Variants in RBFOX1 observed in about 807,000 individuals in gnomAD.
RBFOX1 encodes RNA binding protein fox-1 homolog 1.
RBFOX1 carries 8 observed loss-of-function variants against 57.7 expected under a neutral mutation model. That is an observed-to-expected ratio of 0.14 (90% CI 0.08 to 0.25). RBFOX1 has a LOEUF of 0.25. Among genes scored for constraint, RBFOX1 ranks in the 10% least tolerant of loss-of-function variants. RBFOX1 has a pLI of 1.00. For synonymous variants in RBFOX1, 326 were observed against 222.4 expected, an observed-to-expected ratio of 1.47 and a Z score of -4.15; for missense variants, 611 against 548.5, an observed-to-expected ratio of 1.11 and a Z score of -1.14.
intron 2 of RBFOX1, among the ~76,000 whole-genome samples, chr16:6,340,888 A>T (rs1029332228): frequency 6.6e-6 from 1 of 152,076 alleles, no homozygotes; most frequent in East Asian, 1.9e-4. Flanking sequence ...GGAAAGAGAG[A>T]CATTCAAAGG....
chr16:7,667,162 C>T (rs556422769), intron 13 of RBFOX1, among the ~76,000 whole-genome samples: 1 of 152,264 alleles, frequency 6.6e-6, no homozygotes, highest in African/African-American at 2.4e-5. Context: ...TGTCCTGTCT[C>T]TAACAGTCTC....
At chr16:6,765,627 T>C (rs2077217785) in intron 3 of RBFOX1, among the ~76,000 whole-genome samples, 1 of 152,190 alleles carries the variant, frequency 6.6e-6, no homozygotes, top group Non-Finnish European at 1.5e-5. Flanking sequence ...TACCATTCGG[T>C]ACAGCAATCA....
intron 3 of RBFOX1, among the ~76,000 whole-genome samples, chr16:5,662,321 C>G (rs1032169823): frequency 2.0e-5 from 3 of 152,102 alleles, no homozygotes; most frequent in Admixed American, 6.5e-5. Flanking sequence ...TGTGAACGCT[C>G]TCTCTCCATG....
chr16:5,554,600 C>T (rs1272583757), intron 2 of RBFOX1, among the ~76,000 whole-genome samples: 2 of 151,914 alleles, frequency 1.3e-5, no homozygotes, highest in Admixed American at 6.6e-5. Flanking sequence ...ATTCAATGTC[C>T]ATCTTGGGGC....
intron 3 of RBFOX1, among the ~76,000 whole-genome samples, chr16:6,950,717 A>G (rs1470065658): frequency 1.3e-5 from 2 of 152,158 alleles, no homozygotes; most frequent in East Asian, 1.9e-4. Context: ...TAGGAGAACA[A>G]TGCTGGGAAA....
Position 7,001,788 on chromosome 16 carries a change from C to T in RBFOX1, c.-15-50269C>T, listed in dbSNP as rs79772546. 7.2e-3 allele frequency among the ~76,000 whole-genome samples: 1,089 copies of T among 152,142 alleles called. 12 individuals carry two copies. Among genetic ancestry groups the T allele is most frequent in the African/African-American group, 0.025 (1,018 of 41,488 alleles). On this transcript the variant is annotated intron_variant, in intron 3 of 15. Transcript: ENST00000550418. Reference sequence around the variant, plus strand: ...TTTGTTTTTAGAAGCTTTTCAGAACCAGGAGGCAGCTCAATTTGGGAGATT... The same window carrying T: ...TTTGTTTTTAGAAGCTTTTCAGAACTAGGAGGCAGCTCAATTTGGGAGATT...
chr16:7,361,388 C>T (rs1410549194), intron 4 of RBFOX1, among the ~76,000 whole-genome samples: 2 of 152,144 alleles, frequency 1.3e-5, no homozygotes, highest in African/African-American at 4.8e-5. Flanking sequence ...AGATTAAAAC[C>T]ATTTTGCATC....
intron 1 of RBFOX1, among the ~76,000 whole-genome samples, chr16:6,278,327 C>A (rs566915417): frequency 2.6e-5 from 3 of 114,044 alleles, no homozygotes; most frequent in African/African-American, 1.0e-4. Context: ...AAGGTTCCTT[C>A]AAGTTATTTT....
rs1360515078 is a variant in RBFOX1, at chr16:6,991,754, C to T, written c.-15-60303C>T. On this transcript the variant is annotated intron_variant, in intron 3 of 15. Coordinates refer to ENST00000550418, the MANE Select transcript of RBFOX1 (RefSeq NM_018723.4). ...GTTTCACCATGTTGCCCAGGCTGGT[C>T]TTGAACTCCTGAGCCCAAGCAATCT... 2.0e-5 allele frequency among the ~76,000 whole-genome samples: 3 copies of T among 152,220 alleles called. No individual in the cohort carries two copies. In the East Asian group the frequency reaches 5.8e-4, roughly 30 times the overall value.
At chr16:5,397,548 C>T (rs10153120) in intron 1 of RBFOX1, among the ~76,000 whole-genome samples, 113 of 152,252 alleles carry the variant, frequency 7.4e-4, no homozygotes, top group African/African-American at 2.5e-3. Flanking sequence ...CTGCTAAAGA[C>T]ACTGATTAAA....
intron 3 of RBFOX1, among the ~76,000 whole-genome samples, chr16:7,010,193 T>C (rs1384381691): frequency 2.0e-5 from 3 of 152,254 alleles, no homozygotes; most frequent in Non-Finnish European, 4.4e-5. Flanking sequence ...GGGTCCCTTA[T>C]ACATATATGT....
chr16:5,921,436 G>T (rs2058818866), intron 4 of RBFOX1, among the ~76,000 whole-genome samples: 1 of 152,162 alleles, frequency 6.6e-6, no homozygotes, highest in Non-Finnish European at 1.5e-5. Context: ...GGAGTAGGTT[G>T]TAAGGGAAGC....
At chr16:7,640,800 T>G (rs4787051) in intron 11 of RBFOX1, among the ~76,000 whole-genome samples, 114,515 of 151,886 alleles carry the variant, frequency 0.75, 43,992 homozygotes, top group East Asian at 0.97. Context: ...CTCATCAGAG[T>G]CAAGAGAAAT....
At chr16:6,066,754 A>G (rs750162851) in intron 1 of RBFOX1, among the ~76,000 whole-genome samples, 18 of 152,106 alleles carry the variant, frequency 1.2e-4, no homozygotes, top group Non-Finnish European at 2.4e-4. Context: ...GGTGCCGGGT[A>G]CGATGTCAAG....
At chr16:7,327,392 C>A (rs1232654518) in intron 4 of RBFOX1, among the ~76,000 whole-genome samples, 3 of 152,052 alleles carry the variant, frequency 2.0e-5, no homozygotes, top group African/African-American at 7.2e-5. Flanking sequence ...TTATGAAGGG[C>A]CTCAGATGCT....
At chr16:7,277,721 G>T (rs149337358) in intron 4 of RBFOX1, among the ~76,000 whole-genome samples, 2 of 152,144 alleles carry the variant, frequency 1.3e-5, no homozygotes, top group African/African-American at 4.8e-5. Flanking sequence ...ACTTCTATAG[G>T]CACAGAATGG....
At chr16:5,495,744 G>C (rs1405673149) in intron 2 of RBFOX1, among the ~76,000 whole-genome samples, 3 of 152,182 alleles carry the variant, frequency 2.0e-5, no homozygotes, top group Admixed American at 1.3e-4. Flanking sequence ...ACCCATATCT[G>C]GTATTAATAT....
chr16:7,031,020 AG>A (rs977749309), intron 3 of RBFOX1, among the ~76,000 whole-genome samples: 37 of 152,242 alleles, frequency 2.4e-4, no homozygotes, highest in African/African-American at 8.9e-4. Context: ...TTTATGACCT[AG>A]TTGGTTTGGG....
intron 4 of RBFOX1, among the ~76,000 whole-genome samples, chr16:7,160,122 C>G (rs549895033): frequency 5.9e-4 from 90 of 152,104 alleles, no homozygotes; most frequent in African/African-American, 2.0e-3. Flanking sequence ...AATATTATCC[C>G]TTTCATAATT....
Sources: allele counts gnomAD v4.1 joint callset (sites outside exome capture counted in the v4.1 genomes callset), GRCh38; gene constraint gnomAD v4.1.1; transcripts MANE v1.5; gene names NCBI Gene and HGNC (gene_info 2026-07-23, HGNC 2026-07-21).